The following TLR3 variants were observed in gnomAD, a reference collection of about 807,000 sequenced individuals.
TLR3 encodes the protein toll-like receptor 3.
A neutral mutation model predicts 66.4 loss-of-function variants in TLR3; 43 were observed. The observed-to-expected ratio is 0.65, with a 90% CI of 0.51 to 0.83. TLR3 has a LOEUF of 0.83. TLR3 is among the 40% of genes least tolerant of loss of function. The pLI is 0.00. For synonymous variants in TLR3, 397 were observed against 397.2 expected, an observed-to-expected ratio of 1.00 and a Z score of 0.01; for missense variants, 982 against 1,044.6, an observed-to-expected ratio of 0.94 and a Z score of 0.83.
chr4:186,087,857 T>C lies in TLR3; in HGVS notation c.*2984T>C, dbSNP rs2099304615. On this transcript the variant is annotated 3_prime_UTR_variant, in exon 5 of 5. Transcript: ENST00000296795. The stretch of plus-strand genomic sequence containing the variant: ...GAGACACAAAGCAGATGAGTGGTTG[T>C]CTGGGCCTAGGAACAGGAATGGGGA... 1 of 152,164 alleles carries C rather than the reference T, an allele frequency of 6.6e-6. No individual in the cohort carries two copies. The highest frequency in any genetic ancestry group is 2.4e-5 in the African/African-American group (1 of 41,442). The allele number at this position is 152,164 out of a possible 1,614,324, so 9.4% of individuals were successfully genotyped here. A position where few individuals can be genotyped will look rare whatever the true frequency, so the allele number is the denominator to read the frequency against.
chr4:186,084,728 A>T lies in TLR3; in HGVS notation c.2570A>T (p.Asp857Val). The T allele has an allele frequency of 6.2e-7, 1 of 1,614,106 alleles. No homozygotes were observed. The highest frequency in any genetic ancestry group is 1.3e-5 in the African/African-American group (1 of 75,046). ...IILVFLEEIP[D>V]YKLNHALCLR... is the part of the protein sequence containing the mutation. ...TTGGTTTTCCTTGAGGAGATTCCAG[A>T]TTATAAACTGAACCATGCACTCTGT... The change falls in exon 5 of 5, where the codon GAT (aspartate) becomes GTT (valine). Residue 857 changes from aspartate (D) to valine (V), a missense_variant. Physicochemically the swap from Asp to Val is radical, Grantham distance 152. Coordinates refer to ENST00000296795, the MANE Select transcript of TLR3 (RefSeq NM_003265.3).
Position 186,076,119 on chromosome 4 carries a change from A to C in TLR3, c.-7-494A>C, listed in dbSNP as rs113971089. On this transcript the variant is annotated intron_variant, in intron 1 of 4. Transcript: ENST00000296795. ...CAGTGAGCCGAGATTGCACCATTGC[A>C]CTCCAGCCTGGTGACAGAGCCAGAT... Among the ~76,000 whole-genome samples, 366 of 152,340 alleles carry C rather than the reference A, an allele frequency of 2.4e-3. 4 individuals are homozygous for C. Among genetic ancestry groups the C allele is most frequent in the Non-Finnish European group, 4.4e-3 (297 of 68,030 alleles).
At chr4:186,070,736 C>G (rs529066991) in intron 1 of TLR3, among the ~76,000 whole-genome samples, 1 of 152,202 alleles carries the variant, frequency 6.6e-6, no homozygotes, top group East Asian at 1.9e-4. Context: ...TAAGGTCTTG[C>G]TCTGTTGCCC....
Position 186,083,234 on chromosome 4 carries a change from C to G in TLR3, c.1548C>G (p.Asn516Lys). Residue 516 changes from asparagine (N) to lysine (K), a missense_variant, in exon 4 of 5, where the codon AAC becomes AAG. Physicochemically the swap from Asn to Lys is moderately conservative, Grantham distance 94. This residue lies in a region of TLR3 where 666 missense variants were observed against 709.0 expected (regional missense o/e 0.94). Transcript: ENST00000296795. The surrounding 1 kb of genome is among the most constrained non-coding windows in gnomAD (Gnocchi z 4.0). Reference sequence around the variant, plus strand: ...TGACCATTCTGGATCTAAGCAACAACAACATAGCCAACATAAATGATGACA... The same window carrying G: ...TGACCATTCTGGATCTAAGCAACAAGAACATAGCCAACATAAATGATGACA... ...RNLTILDLSN[N>K]NIANINDDML... 1 of 1,614,188 alleles carries G rather than the reference C, an allele frequency of 6.2e-7. No homozygotes were observed. The highest frequency in any genetic ancestry group is 1.1e-5 in the South Asian group (1 of 91,074).
chr4:186,082,085 C>T (rs922703976), intron 3 of TLR3: 20 of 522,936 alleles, frequency 3.8e-5, no homozygotes, highest in South Asian at 1.1e-4. Context: ...CTTAGCTGGA[C>T]GTGGTGGCGC....
At chr4:186,072,381 C>A (rs1417367493) in intron 1 of TLR3, among the ~76,000 whole-genome samples, 2 of 151,794 alleles carry the variant, frequency 1.3e-5, no homozygotes, top group Admixed American at 6.6e-5. Context: ...GGTGGGATCT[C>A]GGCTCACTGC....
At chr4:186,072,570 C>T (rs986365805) in intron 1 of TLR3, among the ~76,000 whole-genome samples, 1 of 152,170 alleles carries the variant, frequency 6.6e-6, no homozygotes, top group Admixed American at 6.5e-5. Flanking sequence ...CTTGGCCTCC[C>T]AAGTGCTGGG....
At chr4:186,075,093 A>G (rs1346817996) in intron 1 of TLR3, among the ~76,000 whole-genome samples, 2 of 152,230 alleles carry the variant, frequency 1.3e-5, no homozygotes, top group African/African-American at 4.8e-5. Context: ...AGTATAGTAA[A>G]TACATAAATC....
At position 186,082,723 on chromosome 4, in the gene TLR3, T is replaced by C. The variant is rs1561372085; in HGVS notation, c.1037T>C (p.Ile346Thr). The C allele has an allele frequency of 5.6e-6, 9 of 1,614,064 alleles. No individual in the cohort carries two copies. The highest frequency in any genetic ancestry group is 7.6e-6 in the Non-Finnish European group (9 of 1,179,966). ...ATTTCCCTTGCCTCACTCCCCAAGA[T>C]TGATGATTTTTCTTTTCAGTGGCTA... The part of the protein sequence containing the change: ...QSISLASLPK[I>T]DDFSFQWLKC... Residue 346 changes from isoleucine (I) to threonine (T), a missense_variant, in exon 4 of 5, where the codon ATT becomes ACT. This residue lies in a region of TLR3 where 666 missense variants were observed against 709.0 expected (regional missense o/e 0.94). Transcript: ENST00000296795.
Position 186,079,016 on chromosome 4 carries a change from G to A in TLR3, c.618G>A (p.Ser206=), listed in dbSNP as rs779879200. 4 of 1,613,358 alleles carry A rather than the reference G, an allele frequency of 2.5e-6. No individual in the cohort carries two copies. Among genetic ancestry groups the A allele is most frequent in the African/African-American group, 1.3e-5 (1 of 75,008 alleles). The part of the protein sequence containing the change: ...NSSLKKLELS[S]NQIKEFSPGC... ...CTTTAAAAAAATTAGAGTTGTCATC[G>A]AATCAAATTAAAGAGGTAAGAAGTA... The change falls in exon 3 of 5, where the codon TCG becomes TCA. Residue 206 remains serine, a synonymous_variant. Transcript: ENST00000296795.
At chr4:186,084,236 T>TGAGA in intron 4 of TLR3, 64 bp downstream of exon 4, 1 of 1,538,688 alleles carries the variant, frequency 6.5e-7, no homozygotes, top group Non-Finnish European at 8.9e-7. Flanking sequence ...TTTTTTTTTT[T>TGAGA]TTGAGATGGA....
chr4:186,083,121 G>GT lies in TLR3; in HGVS notation c.1436dup (p.Ser481LysfsTer13), dbSNP rs1309967284. On this transcript the variant is annotated frameshift_variant, in exon 4 of 5. Coordinates refer to ENST00000296795, the MANE Select transcript of TLR3 (RefSeq NM_003265.3). LOFTEE classifies it high-confidence loss of function. The surrounding 1 kb of genome is among the most constrained non-coding windows in gnomAD (Gnocchi z 4.0). ...GCTGACTAGGAACTCCTTTGCCTTG[G>GT]TCCCAAGCCTTCAACGACTGATGCT... The GT allele has an allele frequency of 1.9e-6, 3 of 1,614,140 alleles. No homozygotes were observed. In the African/African-American group the frequency reaches 4.0e-5, roughly 22 times the overall value.
chr4:186,079,161 T>C (rs2099302974), intron 3 of TLR3, 130 bp downstream of exon 3: 1 of 872,368 alleles, frequency 1.1e-6, no homozygotes, highest in Non-Finnish European at 1.8e-6. Flanking sequence ...CACCTACTGC[T>C]TGGGGGCATT....
Position 186,076,835 on chromosome 4 carries a change from A to G in TLR3, c.216A>G (p.Thr72=). The G allele has an allele frequency of 6.2e-7, 1 of 1,614,174 alleles. No homozygotes were observed. Among genetic ancestry groups the G allele is most frequent in the African/African-American group, 1.3e-5 (1 of 75,028 alleles). Residue 72 remains threonine (T), a synonymous_variant, in exon 2 of 5, where the codon ACA becomes ACG. Transcript: ENST00000296795. Reference sequence around the variant, plus strand: ...GAAGATTACCAGCCGCCAACTTCACAAGGTATAGCCAGCTAACTAGCTTGG... The same window carrying G: ...GAAGATTACCAGCCGCCAACTTCACGAGGTATAGCCAGCTAACTAGCTTGG... ...QLRRLPAANF[T]RYSQLTSLDV...
rs1426637668 is a variant in TLR3, at chr4:186,076,735, A to G, written c.116A>G (p.His39Arg). 1 of 1,614,030 alleles carries G rather than the reference A, an allele frequency of 6.2e-7. No individual in the cohort carries two copies. The highest frequency in any genetic ancestry group is 8.5e-7 in the Non-Finnish European group (1 of 1,179,996). ...TVSHEVADCS[H>R]LKLTQVPDDL... ...AGCCATGAAGTTGCTGACTGCAGCC[A>G]CCTGAAGTTGACTCAGGTACCCGAT... Residue 39 changes from histidine (H) to arginine (R), a missense_variant, in exon 2 of 5, where the codon CAC becomes CGC. His to Arg is a conservative substitution (Grantham distance 29, BLOSUM62 0). Around this residue, in one of 3 missense-constraint regions of TLR3, gnomAD observed 313 missense variants for 319.0 expected, o/e 0.98. Coordinates refer to ENST00000296795, the MANE Select transcript of TLR3 (RefSeq NM_003265.3).
In TLR3 at chr4:186,078,803, A is replaced by C. The variant is rs1561370751; in HGVS notation, c.442-37A>C. 27 of 1,580,958 alleles carry C rather than the reference A, an allele frequency of 1.7e-5. No individual in the cohort carries two copies. The East Asian group carries it at 6.0e-4, about 35-fold the overall frequency. ...ATTTAAAAGAACTGTTTTTGACAGC[A>C]AGACTCTAACATATGCATATTATTT... On this transcript the variant is annotated intron_variant, in intron 2 of 4. Transcript: ENST00000296795.
chr4:186,083,337 C>T lies in TLR3; in HGVS notation c.1651C>T (p.Pro551Ser). 6.2e-7 allele frequency: 1 copy of T among 1,614,130 alleles called. No homozygotes were observed. The highest frequency in any genetic ancestry group is 8.5e-7 in the Non-Finnish European group (1 of 1,180,018). The change falls in exon 4 of 5, where the codon CCT becomes TCT. Residue 551 changes from proline (P) to serine (S), a missense_variant. Transcript: ENST00000296795. This position sits in a 1 kb window ranked among gnomAD's most constrained non-coding sequence, Gnocchi z 4.0. ...NLARLWKHAN[P>S]GGPIYFLKGL... Reference sequence around the variant, plus strand: ...AGCACGGCTCTGGAAACACGCAAACCCTGGTGGTCCCATTTATTTCCTAAA... The same window carrying T: ...AGCACGGCTCTGGAAACACGCAAACTCTGGTGGTCCCATTTATTTCCTAAA...
rs780744847 is a variant in TLR3, at chr4:186,082,866, C to T, written c.1180C>T (p.Arg394Ter). Residue 394 changes from arginine (R) to a stop codon, truncating the protein, a stop_gained, in exon 4 of 5, where the codon CGA (arginine) becomes TGA (stop). Transcript: ENST00000296795. LOFTEE classifies it high-confidence loss of function. ...TCTATCCAACTCCTTTACAAGTTTG[C>T]GAACTTTGACAAATGAAACATTTGT... Reference protein sequence around the residue: ...LSLSNSFTSLRTLTNETFVSL... With the variant: ...LSLSNSFTSL 26 of 1,613,326 alleles carry T rather than the reference C, an allele frequency of 1.6e-5. No individual in the cohort carries two copies. Among genetic ancestry groups the T allele is most frequent in the East Asian group, 1.3e-4 (6 of 44,872 alleles).
At chr4:186,076,319 A>T (rs936115169) in intron 1 of TLR3, among the ~76,000 whole-genome samples, 1 of 152,226 alleles carries the variant, frequency 6.6e-6, no homozygotes, top group Non-Finnish European at 1.5e-5. Context: ...GGAGGTAATC[A>T]TGAGAATTAC....
Sources: gnomAD v4.1 joint callset for allele counts (sites outside exome capture counted in the v4.1 genomes callset) on GRCh38, gnomAD v4.1.1 for gene constraint, gnomAD v4.1.1 regional missense constraint, Gnocchi (gnomAD v3.1) non-coding constraint, MANE v1.5 for transcripts, NCBI Gene and HGNC (gene_info 2026-07-23, HGNC 2026-07-21) for gene names.